Variants in CPQ observed in about 807,000 individuals in gnomAD.
CPQ encodes the protein carboxypeptidase Q.
Under a neutral mutation model 45.7 loss-of-function variants are expected in CPQ, and 37 were observed. That is an observed-to-expected ratio of 0.81 (90% CI 0.62 to 1.07). The LOEUF is 1.07. Ranked by LOEUF, CPQ falls within the 50% of genes least tolerant of loss-of-function variation. The pLI is 0.00. For synonymous variants in CPQ, 186 were observed against 205.8 expected (o/e 0.90, Z 0.82); for missense variants, 537 against 572.9 (o/e 0.94, Z 0.64).
intron 4 of CPQ, among the ~76,000 whole-genome samples, chr8:96,925,888 A>C (rs769597547): frequency 1.4e-5 from 2 of 146,626 alleles, no homozygotes; most frequent in Non-Finnish European, 3.0e-5. Flanking sequence ...TGGGGTTTCA[A>C]CATGTTAGCC....
chr8:97,003,815 C>A (rs1809330768), intron 5 of CPQ, among the ~76,000 whole-genome samples: 1 of 152,084 alleles, frequency 6.6e-6, no homozygotes, highest in Admixed American at 6.6e-5. Context: ...ATGGTCAGAG[C>A]ACGTACTTTG....
At chr8:96,753,938 A>C (rs1437703525) in intron 1 of CPQ, among the ~76,000 whole-genome samples, 1 of 152,002 alleles carries the variant, frequency 6.6e-6, no homozygotes, top group African/African-American at 2.4e-5. Flanking sequence ...AACAGTGTTG[A>C]ATTTTATCAA....
intron 1 of CPQ, among the ~76,000 whole-genome samples, chr8:96,662,042 A>C (rs1815707450): frequency 6.6e-6 from 1 of 152,146 alleles, no homozygotes; most frequent in Non-Finnish European, 1.5e-5. Flanking sequence ...TATGATGTGA[A>C]GTATCTTTTC....
At position 97,143,284 on chromosome 8, in the gene CPQ, T is replaced by C. The variant is rs899954487; in HGVS notation, c.*101T>C. 5 of 1,067,050 alleles carry C rather than the reference T, an allele frequency of 4.7e-6. No individual in the cohort carries two copies. Among genetic ancestry groups the C allele is most frequent in the Non-Finnish European group, 6.9e-6 (5 of 727,826 alleles). 66.1% of individuals were successfully genotyped at this position (1,067,050 alleles called of 1,614,324 possible). On this transcript the variant is annotated 3_prime_UTR_variant, in exon 8 of 8. Coordinates refer to ENST00000220763, the MANE Select transcript of CPQ (RefSeq NM_016134.4). ...CATAACAATTTCATCCAATTCATCT[T>C]CAAAGCACAACTCTATTTCATGCTT...
chr8:96,683,546 G>A (rs1809179166), intron 1 of CPQ, among the ~76,000 whole-genome samples: 1 of 152,026 alleles, frequency 6.6e-6, no homozygotes, highest in Admixed American at 6.6e-5. Context: ...TGTGCTTCTT[G>A]TACCTGGATG....
At chr8:96,725,207 G>A (rs1282419661) in intron 1 of CPQ, among the ~76,000 whole-genome samples, 1 of 152,058 alleles carries the variant, frequency 6.6e-6, no homozygotes, top group African/African-American at 2.4e-5. Flanking sequence ...AAAAACAATT[G>A]CAACAAAAAC....
chr8:97,009,786 G>A (rs978730570), intron 5 of CPQ, among the ~76,000 whole-genome samples: 1 of 152,130 alleles, frequency 6.6e-6, no homozygotes, highest in African/African-American at 2.4e-5. Context: ...AATTTTATCC[G>A]AGGTCTGTGC....
chr8:96,810,970 T>C (rs148670885), intron 2 of CPQ, among the ~76,000 whole-genome samples: 87 of 152,316 alleles, frequency 5.7e-4, no homozygotes, highest in Admixed American at 1.9e-3. Flanking sequence ...AGAAATGTTA[T>C]CCAGTTTTCC....
intron 4 of CPQ, among the ~76,000 whole-genome samples, chr8:96,935,776 C>T (rs1431109676): frequency 6.6e-6 from 1 of 152,084 alleles, no homozygotes; most frequent in African/African-American, 2.4e-5. Context: ...CACAAAATAT[C>T]TACTTTGTGG....
At chr8:96,910,969 C>T (rs1195182640) in intron 4 of CPQ, among the ~76,000 whole-genome samples, 1 of 151,664 alleles carries the variant, frequency 6.6e-6, no homozygotes, top group Non-Finnish European at 1.5e-5. Flanking sequence ...CTTACTGTTA[C>T]ACCAGTACAT....
chr8:96,654,332 A>G (rs1342691093), intron 1 of CPQ, among the ~76,000 whole-genome samples: 1 of 152,192 alleles, frequency 6.6e-6, no homozygotes, highest in Non-Finnish European at 1.5e-5. Context: ...GTGAAGTCAT[A>G]CACAACAGCT....
chr8:97,102,597 G>A (rs910773824), intron 7 of CPQ, among the ~76,000 whole-genome samples: 8 of 152,080 alleles, frequency 5.3e-5, no homozygotes, highest in African/African-American at 1.7e-4. Flanking sequence ...TCAGCTGTGC[G>A]ATTTCAGCCA....
intron 1 of CPQ, among the ~76,000 whole-genome samples, chr8:96,680,983 A>G (rs1334319347): frequency 6.6e-6 from 1 of 152,196 alleles, no homozygotes. Flanking sequence ...GGTATCTAGT[A>G]GAAGAAATTT....
rs975795908 is a variant in CPQ at position 96,972,415 on chromosome 8, C to G, written c.961+6369C>G. On this transcript the variant is annotated intron_variant, in intron 5 of 7. Transcript: ENST00000220763. ...CCCCTTCCCCCACCTGGTAGTCTTTCTCTACCTGCCCTGGTAGCCAAAGAC... is the reference window on the plus strand; with the variant it reads ...CCCCTTCCCCCACCTGGTAGTCTTTGTCTACCTGCCCTGGTAGCCAAAGAC... 2.4e-4 allele frequency among the ~76,000 whole-genome samples: 37 copies of G among 152,186 alleles called. 1 individual carries two copies. The highest frequency in any genetic ancestry group is 2.2e-3 in the Admixed American group (33 of 15,284).
At chr8:96,821,034 G>A (rs528267257) in intron 2 of CPQ, among the ~76,000 whole-genome samples, 119 of 151,614 alleles carry the variant, frequency 7.8e-4, no homozygotes, top group African/African-American at 2.8e-3. Context: ...TGATGATTAG[G>A]GATATTGAGC....
chr8:96,906,031 T>C (rs1812571083), intron 4 of CPQ, among the ~76,000 whole-genome samples: 1 of 152,106 alleles, frequency 6.6e-6, no homozygotes, highest in Non-Finnish European at 1.5e-5. Flanking sequence ...TGCATGAGAA[T>C]CAGTTGAGGC....
At chr8:96,771,293 T>C (rs776946774) in intron 1 of CPQ, among the ~76,000 whole-genome samples, 11 of 151,928 alleles carry the variant, frequency 7.2e-5, no homozygotes, top group Non-Finnish European at 1.3e-4. Context: ...TTGGAACATC[T>C]CTACAACTCT....
intron 5 of CPQ, among the ~76,000 whole-genome samples, chr8:96,991,103 C>G (rs1043369650): frequency 6.6e-6 from 1 of 152,092 alleles, no homozygotes; most frequent in Non-Finnish European, 1.5e-5. Flanking sequence ...AGACAGGCAT[C>G]CAGGCAATGT....
intron 1 of CPQ, among the ~76,000 whole-genome samples, chr8:96,660,121 T>C (rs1432126840): frequency 1.3e-5 from 2 of 152,212 alleles, no homozygotes; most frequent in Non-Finnish European, 2.9e-5. Context: ...AACAAAATCC[T>C]GCAGACTGGG....
Sources: gnomAD v4.1 joint callset for allele counts (sites outside exome capture counted in the v4.1 genomes callset) on GRCh38, gnomAD v4.1.1 for gene constraint, MANE v1.5 for transcripts, NCBI Gene and HGNC (gene_info 2026-07-23, HGNC 2026-07-21) for gene names.